The following CNTN5 variants were observed in gnomAD, a reference collection of about 807,000 sequenced individuals.
CNTN5 encodes contactin-5.
A neutral mutation model predicts 129.1 loss-of-function variants in CNTN5; 77 were observed. The ratio of observed to expected loss-of-function variants is 0.60; its 90% CI spans 0.50 to 0.72. The LOEUF is 0.72. Ranked by LOEUF, CNTN5 falls within the 30% of genes least tolerant of loss-of-function variation. The pLI is 0.00. For synonymous variants in CNTN5, 509 were observed against 465.6 expected (o/e 1.09, Z -1.20); for missense variants, 1,478 against 1,328.8 (o/e 1.11, Z -1.75).
chr11:99,036,610 A>G (rs976815794), intron 1 of CNTN5, among the ~76,000 whole-genome samples: 1 of 152,112 alleles, frequency 6.6e-6, no homozygotes, highest in Non-Finnish European at 1.5e-5. Flanking sequence ...TTGCTAGGTC[A>G]TTGAGAAGGT....
chr11:99,192,639 C>T (rs1858702059), intron 1 of CNTN5, among the ~76,000 whole-genome samples: 1 of 151,938 alleles, frequency 6.6e-6, no homozygotes, highest in African/African-American at 2.4e-5. Flanking sequence ...TTAGTATCTA[C>T]ACCATGAATT....
intron 2 of CNTN5, among the ~76,000 whole-genome samples, chr11:99,434,920 C>T (rs906537462): frequency 2.0e-5 from 3 of 152,052 alleles, no homozygotes; most frequent in East Asian, 1.9e-4. Flanking sequence ...GTATTTGGTA[C>T]GTATGATTTA....
chr11:99,496,519 C>G (rs1454594855), intron 2 of CNTN5, among the ~76,000 whole-genome samples: 2 of 152,060 alleles, frequency 1.3e-5, no homozygotes, highest in Non-Finnish European at 2.9e-5. Flanking sequence ...CAGGTCTTAC[C>G]TAATGTAAGT....
chr11:99,294,248 G>A (rs572560409), intron 1 of CNTN5, among the ~76,000 whole-genome samples: 12 of 152,160 alleles, frequency 7.9e-5, no homozygotes, highest in East Asian at 1.9e-4. Context: ...GTTTGCAAAC[G>A]TGACCTTCTA....
intron 2 of CNTN5, among the ~76,000 whole-genome samples, chr11:99,485,390 A>G (rs1945771925): frequency 6.6e-6 from 1 of 152,066 alleles, no homozygotes; most frequent in Non-Finnish European, 1.5e-5. Flanking sequence ...AAAGCCACAG[A>G]ATGTACAATA....
At chr11:99,681,794 A>T (rs1478341694) in intron 3 of CNTN5, among the ~76,000 whole-genome samples, 2 of 152,010 alleles carry the variant, frequency 1.3e-5, no homozygotes, top group Non-Finnish European at 2.9e-5. Flanking sequence ...GAAAAACTAC[A>T]CTTCTGTAGT....
At chr11:100,308,081 A>T (rs967595643) in intron 20 of CNTN5, among the ~76,000 whole-genome samples, 2 of 151,792 alleles carry the variant, frequency 1.3e-5, no homozygotes, top group African/African-American at 2.4e-5. Context: ...ACTGGCAGAA[A>T]ATTTAAGTTC....
intron 3 of CNTN5, among the ~76,000 whole-genome samples, chr11:99,623,372 G>C (rs1322702309): frequency 6.6e-6 from 1 of 152,062 alleles, no homozygotes; most frequent in Non-Finnish European, 1.5e-5. Context: ...ACTAAGTTTT[G>C]CTTTTCTTTG....
At chr11:99,786,993 A>G (rs1945550360) in intron 3 of CNTN5, among the ~76,000 whole-genome samples, 1 of 152,120 alleles carries the variant, frequency 6.6e-6, no homozygotes. Context: ...GATGTAACAA[A>G]ATGAGTTTTC....
At chr11:99,928,855 C>T (rs971478197) in intron 7 of CNTN5, among the ~76,000 whole-genome samples, 15 of 152,312 alleles carry the variant, frequency 9.8e-5, no homozygotes, top group South Asian at 4.1e-4. Context: ...TTTTGTTTCA[C>T]ATTATCAGGC....
At chr11:99,429,815 C>A (rs546132408) in intron 2 of CNTN5, among the ~76,000 whole-genome samples, 28 of 152,092 alleles carry the variant, frequency 1.8e-4, no homozygotes, top group African/African-American at 6.3e-4. Context: ...TGTACCCTTT[C>A]TTATTTTAAA....
Position 100,297,628 on chromosome 11 carries a change from C to A in CNTN5, c.2318C>A (p.Pro773Gln). Residue 773 changes from proline (P) to glutamine (Q), a missense_variant, in exon 19 of 25, where the codon CCG becomes CAG. Coordinates refer to ENST00000524871, the MANE Select transcript of CNTN5 (RefSeq NM_014361.4). ...SRMIRTNEAVPKTAPTNVSGR... is the reference protein window; with the variant it reads ...SRMIRTNEAVQKTAPTNVSGR... ...CTCCACCCATTTTTATCCACAGTTC[C>A]GAAGACAGCACCCACCAATGTAAGC... 1 of 1,605,540 alleles carries A rather than the reference C, an allele frequency of 6.2e-7. No homozygotes were observed. Among genetic ancestry groups the A allele is most frequent in the East Asian group, 2.2e-5 (1 of 44,596 alleles).
intron 2 of CNTN5, among the ~76,000 whole-genome samples, chr11:99,550,557 T>C (rs984779038): frequency 1.4e-4 from 22 of 152,116 alleles, no homozygotes; most frequent in Non-Finnish European, 2.5e-4. Flanking sequence ...AGATGGAGAA[T>C]AAGGTCCACG....
chr11:99,464,296 G>A (rs1395132642), intron 2 of CNTN5, among the ~76,000 whole-genome samples: 1 of 152,158 alleles, frequency 6.6e-6, no homozygotes, highest in African/African-American at 2.4e-5. Flanking sequence ...GGGAATTGGG[G>A]ATAAATGAGC....
intron 2 of CNTN5, among the ~76,000 whole-genome samples, chr11:99,447,817 TGG>T (rs908858127): frequency 1.3e-5 from 2 of 152,016 alleles, no homozygotes; most frequent in Admixed American, 1.3e-4. Context: ...CCCAGCTACT[TGG>T]GAGGCTGAGG....
chr11:99,494,979 T>C (rs1946170091), intron 2 of CNTN5, among the ~76,000 whole-genome samples: 1 of 152,222 alleles, frequency 6.6e-6, no homozygotes, highest in South Asian at 2.1e-4. Context: ...TTTTCCAATA[T>C]AAACTTTTAT....
At chr11:99,379,483 A>G (rs1209342422) in intron 2 of CNTN5, among the ~76,000 whole-genome samples, 2 of 152,162 alleles carry the variant, frequency 1.3e-5, no homozygotes, top group Non-Finnish European at 2.9e-5. Context: ...TTGAAAATGA[A>G]TAAAATATAA....
chr11:99,134,050 C>T (rs10790484), intron 1 of CNTN5, among the ~76,000 whole-genome samples: 39,966 of 152,062 alleles, frequency 0.26, 5,389 homozygotes, highest in East Asian at 0.39. Context: ...GGTACATATA[C>T]GTCATGGAAT....
chr11:99,716,998 T>C (rs1188642979), intron 3 of CNTN5, among the ~76,000 whole-genome samples: 8 of 152,222 alleles, frequency 5.3e-5, no homozygotes, highest in African/African-American at 1.9e-4. Context: ...TCTTTCTTTT[T>C]TATTTAGTAG....
Sources: gnomAD v4.1 joint callset for allele counts (sites outside exome capture counted in the v4.1 genomes callset) on GRCh38, gnomAD v4.1.1 for gene constraint, MANE v1.5 for transcripts, NCBI Gene and HGNC (gene_info 2026-07-23, HGNC 2026-07-21) for gene names.